Variants in SEMA6D observed in about 807,000 individuals in gnomAD.
The protein encoded by SEMA6D is semaphorin-6D.
SEMA6D carries 35 observed loss-of-function variants against 106.6 expected under a neutral mutation model. The observed-to-expected ratio is 0.33, with a 90% confidence interval of 0.25 to 0.44. The LOEUF (loss-of-function observed/expected upper bound fraction) is 0.44. Among genes scored for constraint, SEMA6D ranks in the 20% least tolerant of loss-of-function variants. SEMA6D has a pLI of 1.00. For missense variants in SEMA6D, 1,185 were observed against 1,345.9 expected (o/e 0.88, Z 1.87); for synonymous variants, 499 against 487.7 (o/e 1.02, Z -0.31).
At chr15:47,590,663 A>C (rs1448925079) in intron 3 of SEMA6D, among the ~76,000 whole-genome samples, 2 of 152,036 alleles carry the variant, frequency 1.3e-5, no homozygotes, top group African/African-American at 4.8e-5. Flanking sequence ...TCCTTGTAAG[A>C]GGAAGGAGAC....
intron 4 of SEMA6D, among the ~76,000 whole-genome samples, chr15:47,676,674 G>T (rs985851616): frequency 1.3e-5 from 2 of 152,198 alleles, no homozygotes; most frequent in African/African-American, 4.8e-5. Context: ...AAGAAATAGT[G>T]TGAACCCGAG....
chr15:47,330,522 T>C (rs941530414), intron 1 of SEMA6D, among the ~76,000 whole-genome samples: 1 of 152,152 alleles, frequency 6.6e-6, no homozygotes, highest in Middle Eastern at 3.2e-3. Flanking sequence ...GAGGAGCTTG[T>C]CAGGGCGTGC....
chr15:47,471,921 TCTCTCTCTCTCACACACACACA>T (rs1567103761), intron 3 of SEMA6D, among the ~76,000 whole-genome samples: 2 of 136,754 alleles, frequency 1.5e-5, no homozygotes, highest in African/African-American at 5.8e-5. Context: ...TCTCTCTCTC[TCTCTCTCTCTCACACACACACA>T]CACACACACA....
At chr15:47,442,339 A>G (rs1174600961) in intron 2 of SEMA6D, among the ~76,000 whole-genome samples, 3 of 152,014 alleles carry the variant, frequency 2.0e-5, no homozygotes, top group East Asian at 1.9e-4. Flanking sequence ...GATACCTTCC[A>G]TGATGTACAG....
At chr15:47,724,951 C>T (rs1227575308) in intron 1 of SEMA6D, among the ~76,000 whole-genome samples, 2 of 152,204 alleles carry the variant, frequency 1.3e-5, no homozygotes, top group Non-Finnish European at 2.9e-5. Context: ...CTCAAATTAC[C>T]CAGCACCAAG....
At chr15:47,405,701 G>A (rs1017355135) in intron 1 of SEMA6D, among the ~76,000 whole-genome samples, 2 of 152,268 alleles carry the variant, frequency 1.3e-5, no homozygotes, top group African/African-American at 4.8e-5. Context: ...TCATCTAGCT[G>A]GGGGCCTCAT....
upstream of SEMA6D, among the ~76,000 whole-genome samples, chr15:47,716,391 A>G (rs1410391666): frequency 2.0e-5 from 3 of 152,186 alleles, no homozygotes; most frequent in Admixed American, 6.5e-5. Flanking sequence ...AAATGTAAAC[A>G]TGTAACTGTG....
intron 1 of SEMA6D, among the ~76,000 whole-genome samples, chr15:47,384,453 A>C (rs1366880078): frequency 6.6e-6 from 1 of 152,198 alleles, no homozygotes; most frequent in Admixed American, 6.5e-5. Context: ...ATTTCTCGGC[A>C]AGCTGACCTC....
intron 1 of SEMA6D, among the ~76,000 whole-genome samples, chr15:47,318,592 T>C (rs1257503045): frequency 1.3e-5 from 2 of 148,286 alleles, no homozygotes; most frequent in African/African-American, 5.0e-5. Flanking sequence ...ACAAAGGACA[T>C]GAACTCATCA....
intron 2 of SEMA6D, among the ~76,000 whole-genome samples, chr15:47,445,104 CCTTCT>C (rs1266934549): frequency 2.6e-5 from 4 of 152,102 alleles, no homozygotes; most frequent in African/African-American, 9.7e-5. Flanking sequence ...TTCAGACACT[CCTTCT>C]CTTCTCTCTG....
intron 4 of SEMA6D, among the ~76,000 whole-genome samples, chr15:47,687,066 C>CAAA (rs369941348): frequency 0.016 from 1,927 of 120,950 alleles, 59 homozygotes; most frequent in African/African-American, 0.055. Context: ...ACCCTGTATC[C>CAAA]AAAAAAAAAA....
intron 3 of SEMA6D, among the ~76,000 whole-genome samples, chr15:47,568,727 G>A (rs1408222261): frequency 6.6e-6 from 1 of 152,006 alleles, no homozygotes; most frequent in East Asian, 1.9e-4. Flanking sequence ...ACAAAAATAG[G>A]CACCAAACTT....
intron 3 of SEMA6D, among the ~76,000 whole-genome samples, chr15:47,551,005 C>T (rs1313954964): frequency 6.6e-6 from 1 of 152,162 alleles, no homozygotes; most frequent in Non-Finnish European, 1.5e-5. Context: ...CTAGAACTAT[C>T]ATATATGAAA....
intron 1 of SEMA6D, among the ~76,000 whole-genome samples, chr15:47,255,492 C>G (rs568019987): frequency 1.3e-5 from 2 of 151,586 alleles, no homozygotes; most frequent in Admixed American, 6.6e-5. Context: ...TTAGCTTGTT[C>G]GTGTTTTTCC....
chr15:47,635,808 G>A (rs1431301235), intron 4 of SEMA6D, among the ~76,000 whole-genome samples: 1 of 152,074 alleles, frequency 6.6e-6, no homozygotes, highest in African/African-American at 2.4e-5. Context: ...AGCTTTGGCA[G>A]GCAGGCAGTC....
chr15:47,394,001 G>T (rs971571598), intron 1 of SEMA6D, among the ~76,000 whole-genome samples: 1 of 152,148 alleles, frequency 6.6e-6, no homozygotes, highest in African/African-American at 2.4e-5. Context: ...GCAAGTGAGA[G>T]GCAGGATAGA....
chr15:47,345,557 A>G (rs1237885381), intron 1 of SEMA6D, among the ~76,000 whole-genome samples: 4 of 152,224 alleles, frequency 2.6e-5, no homozygotes, highest in East Asian at 1.9e-4. Context: ...AATTAACTCA[A>G]TATTGGATCA....
intron 1 of SEMA6D, among the ~76,000 whole-genome samples, chr15:47,258,249 T>C (rs1000178213): frequency 1.3e-5 from 2 of 152,210 alleles, no homozygotes; most frequent in African/African-American, 4.8e-5. Context: ...AGACCACACA[T>C]TTAAGATAAT....
At chr15:47,403,298 T>C (rs1331383529) in intron 1 of SEMA6D, among the ~76,000 whole-genome samples, 1 of 152,126 alleles carries the variant, frequency 6.6e-6, no homozygotes, top group Non-Finnish European at 1.5e-5. Context: ...ACGGAAAAAG[T>C]GCAAAAGTGA....
Sources: allele counts gnomAD v4.1 joint callset (sites outside exome capture counted in the v4.1 genomes callset), GRCh38; gene constraint gnomAD v4.1.1; transcripts MANE v1.5; gene names NCBI Gene and HGNC (gene_info 2026-07-23, HGNC 2026-07-21).